DGKB: variants seen among roughly 807,000 people sequenced by gnomAD.
DGKB encodes the protein diacylglycerol kinase beta.
Under a neutral mutation model 114.3 loss-of-function variants are expected in DGKB, and 67 were observed. The ratio of observed to expected loss-of-function variants is 0.59; its 90% CI spans 0.48 to 0.72. The LOEUF is 0.72. DGKB is among the 30% of genes least tolerant of loss of function. The pLI is 0.00. For missense variants in DGKB, 907 were observed against 975.2 expected, an observed-to-expected ratio of 0.93 and a Z score of 0.93; for synonymous variants, 398 against 323.1, an observed-to-expected ratio of 1.23 and a Z score of -2.49.
intron 23 of DGKB, among the ~76,000 whole-genome samples, chr7:14,330,390 T>C (rs1809517505): frequency 6.6e-6 from 1 of 151,996 alleles, no homozygotes; most frequent in Non-Finnish European, 1.5e-5. Context: ...ATTTTGCCCA[T>C]TTTCCTAATT....
At chr7:14,167,737 A>G (rs1784817799) in intron 25 of DGKB, among the ~76,000 whole-genome samples, 1 of 152,208 alleles carries the variant, frequency 6.6e-6, no homozygotes, top group Non-Finnish European at 1.5e-5. Flanking sequence ...TGAAAACCAA[A>G]CAAACATACT....
chr7:14,728,187 A>G (rs1280994887), intron 5 of DGKB, among the ~76,000 whole-genome samples: 3 of 152,186 alleles, frequency 2.0e-5, no homozygotes, highest in Non-Finnish European at 2.9e-5. Flanking sequence ...ATGATAAGGC[A>G]TCTAATTTTT....
At position 14,695,397 on chromosome 7, in the gene DGKB, G is replaced by A. The variant is rs116478579; in HGVS notation, c.592-1203C>T. Among the ~76,000 whole-genome samples, 1,038 of 150,952 alleles carry A rather than the reference G, an allele frequency of 6.9e-3. 10 individuals are homozygous for A. Among genetic ancestry groups the A allele is most frequent in the African/African-American group, 0.023 (964 of 41,078 alleles). ...AAAAAATAAGATTGAACTGAGTGTA[G>A]AGCCTGAGTTAATTTGATAAAAACT... On this transcript the variant is annotated intron_variant, in intron 8 of 25. Transcript: ENST00000402815.
intron 23 of DGKB, among the ~76,000 whole-genome samples, chr7:14,183,199 A>G (rs1194366380): frequency 6.6e-6 from 1 of 152,198 alleles, no homozygotes; most frequent in Non-Finnish European, 1.5e-5. Context: ...ACCAAGAATA[A>G]ACTTTTAAAA....
chr7:14,422,748 G>C (rs1185337755), intron 21 of DGKB, among the ~76,000 whole-genome samples: 1 of 151,914 alleles, frequency 6.6e-6, no homozygotes, highest in East Asian at 1.9e-4. Flanking sequence ...TAACAAGGTG[G>C]AAGGTAGAAT....
At chr7:14,673,244 C>T (rs898435018) in intron 12 of DGKB, among the ~76,000 whole-genome samples, 1 of 152,024 alleles carries the variant, frequency 6.6e-6, no homozygotes, top group South Asian at 2.1e-4. Flanking sequence ...CCATTCTATA[C>T]ATTTTATAAT....
intron 1 of DGKB, among the ~76,000 whole-genome samples, chr7:14,937,481 A>G (rs1268240914): frequency 2.6e-5 from 4 of 152,194 alleles, no homozygotes; most frequent in Non-Finnish European, 5.9e-5. Flanking sequence ...TAACATTACT[A>G]TATATAGTCT....
intron 21 of DGKB, among the ~76,000 whole-genome samples, chr7:14,452,863 T>C (rs2128845979): frequency 6.6e-6 from 1 of 152,170 alleles, no homozygotes; most frequent in African/African-American, 2.4e-5. Context: ...AAACCAAGTG[T>C]CCCAGCACCA....
Position 14,294,373 on chromosome 7 carries a change from T to C in DGKB, c.2122+44142A>G, listed in dbSNP as rs185444559. Among the ~76,000 whole-genome samples, 11 of 152,280 alleles carry C rather than the reference T, an allele frequency of 7.2e-5. No individual in the cohort carries two copies. The East Asian group carries it at 1.9e-3, about 27-fold the overall frequency. On this transcript the variant is annotated intron_variant, in intron 23 of 25. Transcript: ENST00000402815. ...TGGAGAGGGGCCATATTCTATCACA[T>C]TCTGAAGCATTCCTTAGAGAGTCAA...
At chr7:14,345,478 T>C in intron 21 of DGKB, 87 bp from the exon 22 acceptor site, 5 of 677,696 alleles carry the variant, frequency 7.4e-6, no homozygotes, top group Non-Finnish European at 1.3e-5. Flanking sequence ...TCTTGTGTTA[T>C]AATAGAAAAG....
chr7:14,883,246 C>T (rs1854514598), intron 1 of DGKB, among the ~76,000 whole-genome samples: 1 of 151,820 alleles, frequency 6.6e-6, no homozygotes, highest in Admixed American at 6.6e-5. Context: ...TATATGTATA[C>T]ACATATACAA....
At chr7:14,554,549 G>T (rs1042176836) in intron 20 of DGKB, among the ~76,000 whole-genome samples, 3 of 151,666 alleles carry the variant, frequency 2.0e-5, no homozygotes, top group Non-Finnish European at 4.4e-5. Flanking sequence ...TGGATCAAAG[G>T]GTATGCACAT....
At chr7:14,965,750 T>C (rs1787110777) in intron 1 of DGKB, among the ~76,000 whole-genome samples, 1 of 152,040 alleles carries the variant, frequency 6.6e-6, no homozygotes, top group African/African-American at 2.4e-5. Context: ...AATATAAAAC[T>C]ATTAAAAAAG....
At chr7:14,540,541 G>C (rs139809106) in intron 20 of DGKB, among the ~76,000 whole-genome samples, 2 of 152,036 alleles carry the variant, frequency 1.3e-5, no homozygotes, top group African/African-American at 4.8e-5. Flanking sequence ...ATACTTTTCT[G>C]TTTTGACTGC....
chr7:14,833,365 T>C (rs1219964380), intron 2 of DGKB, among the ~76,000 whole-genome samples: 1 of 150,672 alleles, frequency 6.6e-6, no homozygotes, highest in African/African-American at 2.4e-5. Flanking sequence ...ATTGAAGATA[T>C]TGATTTATGT....
intron 1 of DGKB, among the ~76,000 whole-genome samples, chr7:14,871,468 A>T (rs960668709): frequency 6.6e-6 from 1 of 152,076 alleles, no homozygotes; most frequent in African/African-American, 2.4e-5. Context: ...AGTTACCATG[A>T]TCCACCCTAC....
At chr7:14,180,370 CCTT>C (rs1403118710) in intron 23 of DGKB, among the ~76,000 whole-genome samples, 1 of 152,172 alleles carries the variant, frequency 6.6e-6, no homozygotes, top group Non-Finnish European at 1.5e-5. Context: ...CTACCACCCT[CCTT>C]CTGATTTTTT....
chr7:14,873,903 T>G (rs1457785090), intron 1 of DGKB, among the ~76,000 whole-genome samples: 1 of 152,092 alleles, frequency 6.6e-6, no homozygotes, highest in Non-Finnish European at 1.5e-5. Flanking sequence ...AAATATTACA[T>G]AAGCAGTTGG....
chr7:14,172,879 C>T (rs1781214882), intron 25 of DGKB, among the ~76,000 whole-genome samples: 1 of 152,140 alleles, frequency 6.6e-6, no homozygotes, highest in Admixed American at 6.6e-5. Flanking sequence ...GCTCTTTCTT[C>T]TTCCCATTAT....
Sources: allele counts gnomAD v4.1 joint callset (sites outside exome capture counted in the v4.1 genomes callset), GRCh38; gene constraint gnomAD v4.1.1; transcripts MANE v1.5; gene names NCBI Gene and HGNC (gene_info 2026-07-23, HGNC 2026-07-21).